The following KY variants were observed in gnomAD, a reference collection of about 807,000 sequenced individuals.
The protein encoded by KY is kyphoscoliosis peptidase.
A neutral mutation model predicts 76.1 loss-of-function variants in KY; 43 were observed. The ratio of observed to expected loss-of-function variants is 0.57; its 90% confidence interval spans 0.44 to 0.73. The LOEUF (loss-of-function observed/expected upper bound fraction) is 0.73. Among genes scored for constraint, KY ranks in the 30% least tolerant of loss-of-function variants. The probability of loss-of-function intolerance (pLI) is 0.00; values close to 1 mark genes in which losing one functional copy is unlikely to be tolerated. For missense variants in KY, 722 were observed against 828.9 expected, an observed-to-expected ratio of 0.87 and a Z score of 1.58; for synonymous variants, 277 against 326.2, an observed-to-expected ratio of 0.85 and a Z score of 1.63.
intron 8 of KY, among the ~76,000 whole-genome samples, chr3:134,616,457 C>T (rs887239587): frequency 3.3e-5 from 5 of 152,098 alleles, no homozygotes; most frequent in Non-Finnish European, 5.9e-5. Flanking sequence ...AATTAATTTA[C>T]CAAACTTTTG....
At chr3:134,605,906 C>G (rs2107744383) in intron 10 of KY, among the ~76,000 whole-genome samples, 1 of 152,318 alleles carries the variant, frequency 6.6e-6, no homozygotes, top group African/African-American at 2.4e-5. Context: ...CCATTGCTTC[C>G]CCTTCTGTTA....
chr3:134,642,303 T>G (rs1420996499), intron 3 of KY, among the ~76,000 whole-genome samples: 2 of 152,052 alleles, frequency 1.3e-5, no homozygotes, highest in African/African-American at 4.8e-5. Flanking sequence ...GGGAAATCAC[T>G]GCCTCTGAAT....
chr3:134,641,980 A>G (rs1965820621), intron 3 of KY, among the ~76,000 whole-genome samples: 1 of 152,114 alleles, frequency 6.6e-6, no homozygotes, highest in Non-Finnish European at 1.5e-5. Flanking sequence ...CATTTTAGAG[A>G]AGCAACAGGA....
rs747806092 is a variant in KY at position 134,650,999 on chromosome 3, C to A, written c.-39G>T. ...TTCCGACCTGGGCGCCGCGGCCGCA[C>A]GCTAGGCTGCTTGCGCTGCAAATGG... On this transcript the variant is annotated 5_prime_UTR_variant, in exon 1 of 11. Transcript: ENST00000423778. The A allele has an allele frequency of 6.8e-6, 11 of 1,611,686 alleles. No individual in the cohort carries two copies. The highest frequency in any genetic ancestry group is 6.7e-5 in the African/African-American group (5 of 74,876).
chr3:134,615,129 C>T (rs989766982), intron 8 of KY: 1 of 152,230 alleles, frequency 6.6e-6, no homozygotes, highest in Non-Finnish European at 1.5e-5. Flanking sequence ...TTCTTACACA[C>T]TACCCTTACA....
At chr3:134,625,876 G>C (rs528106343) in intron 5 of KY, among the ~76,000 whole-genome samples, 111 of 152,390 alleles carry the variant, frequency 7.3e-4, no homozygotes, top group African/African-American at 2.6e-3. Context: ...CTCTGAGACA[G>C]AGATACAGGA....
chr3:134,628,331 G>A (rs999656112), intron 4 of KY, among the ~76,000 whole-genome samples: 40 of 152,272 alleles, frequency 2.6e-4, no homozygotes, highest in Non-Finnish European at 3.5e-4. Flanking sequence ...ATCTAAGACC[G>A]TAAAGGCAGA....
intron 6 of KY, 44 bp downstream of exon 6, chr3:134,625,009 G>A: frequency 3.3e-6 from 5 of 1,530,246 alleles, no homozygotes; most frequent in Non-Finnish European, 4.4e-6. Flanking sequence ...AGAACTCTAA[G>A]CCACCTTGAA....
In KY at chr3:134,603,405, C is replaced by G; in HGVS notation, c.*174G>C. ...CAGTCACAGCCACACCTGAGTGAAG[C>G]CTTCAGAACACAAAGATCACAGCTC... On this transcript the variant is annotated 3_prime_UTR_variant, in exon 11 of 11. Transcript: ENST00000423778. 1 of 587,676 alleles carries G rather than the reference C, an allele frequency of 1.7e-6. No individual in the cohort carries two copies. The highest frequency in any genetic ancestry group is 2.9e-6 in the Non-Finnish European group (1 of 342,468). The allele number at this position is 587,676 out of a possible 1,614,324, so 36.4% of individuals were successfully genotyped here. A position where few individuals can be genotyped will look rare whatever the true frequency, so the allele number is the denominator to read the frequency against.
chr3:134,634,933 T>C (rs1408539809), intron 3 of KY, among the ~76,000 whole-genome samples: 1 of 152,198 alleles, frequency 6.6e-6, no homozygotes, highest in Non-Finnish European at 1.5e-5. Context: ...AAATTGGATC[T>C]CATATATTGC....
At chr3:134,630,206 G>A (rs1326638402) in intron 3 of KY, among the ~76,000 whole-genome samples, 1 of 152,180 alleles carries the variant, frequency 6.6e-6, no homozygotes. Flanking sequence ...CAGAGAGAGT[G>A]AAAGAAATCT....
intron 5 of KY, among the ~76,000 whole-genome samples, chr3:134,627,361 C>A (rs146639686): frequency 4.3e-4 from 66 of 152,318 alleles, no homozygotes; most frequent in African/African-American, 1.5e-3. Flanking sequence ...AGGATTCCAA[C>A]CCAGGCTGTC....
chr3:134,625,201 T>C (rs1041395743), intron 5 of KY, 66 bp from the exon 6 acceptor site: 11 of 1,276,838 alleles, frequency 8.6e-6, no homozygotes, highest in Non-Finnish European at 1.2e-5. Context: ...GGCCTAGGCC[T>C]TGCTGTCTCT....
chr3:134,610,394 G>C lies in KY; in HGVS notation c.711-11C>G. The stretch of plus-strand genomic sequence containing the variant: ...TGCACTCCGGCGAGCCTGGGGGCAG[G>C]ACAGGGGGTCTGAGAGGGGGATCCC... On this transcript the variant is annotated splice_polypyrimidine_tract_variant and intron_variant, in intron 8 of 10. Transcript: ENST00000423778. 1 of 1,605,350 alleles carries C rather than the reference G, an allele frequency of 6.2e-7. No individual in the cohort carries two copies. The highest frequency in any genetic ancestry group is 1.1e-5 in the South Asian group (1 of 90,556).
rs1959008875 is a variant in KY at position 134,602,407 on chromosome 3, AG to A, written c.*1171del. Among the ~76,000 whole-genome samples the A allele has an allele frequency of 6.6e-6, 1 of 152,068 alleles. No homozygotes were observed. Among genetic ancestry groups the A allele is most frequent in the Admixed American group, 6.5e-5 (1 of 15,276 alleles). On this transcript the variant is annotated 3_prime_UTR_variant, in exon 11 of 11. Transcript: ENST00000423778. ...CTGTCCCCATGCAAGGTGAGACTGG[AG>A]GGGGCTGTCTTCTCAGAGAAGGGAG...
At chr3:134,648,850 A>G (rs1422333557) in intron 1 of KY, among the ~76,000 whole-genome samples, 4 of 152,208 alleles carry the variant, frequency 2.6e-5, no homozygotes, top group African/African-American at 9.6e-5. Flanking sequence ...CCTCTTTTAT[A>G]TAACCAAGGA....
At chr3:134,635,516 T>C (rs1262242604) in intron 3 of KY, among the ~76,000 whole-genome samples, 4 of 54,160 alleles carry the variant, frequency 7.4e-5, no homozygotes, top group Non-Finnish European at 1.7e-4. Context: ...AAAAAAAAAG[T>C]ACTTCTCAAC....
chr3:134,632,456 G>A (rs182638350), intron 3 of KY, among the ~76,000 whole-genome samples: 172 of 151,956 alleles, frequency 1.1e-3, no homozygotes, highest in African/African-American at 3.9e-3. Flanking sequence ...AAAACAGAAA[G>A]CAACTGGAAA....
chr3:134,608,891 G>A, intron 9 of KY, 52 bp from the exon 10 acceptor site: 1 of 1,559,256 alleles, frequency 6.4e-7, no homozygotes, highest in Non-Finnish European at 8.7e-7. Context: ...GGGAGGCAGG[G>A]GCCCAATACA....
Sources: gnomAD v4.1 joint callset for allele counts (sites outside exome capture counted in the v4.1 genomes callset) on GRCh38, gnomAD v4.1.1 for gene constraint, MANE v1.5 for transcripts, NCBI Gene and HGNC (gene_info 2026-07-23, HGNC 2026-07-21) for gene names.